The following PRKN variants were observed in gnomAD, a reference collection of about 807,000 sequenced individuals.
PRKN encodes the protein parkin RBR E3 ubiquitin protein ligase, also known as E3 ubiquitin-protein ligase parkin.
In PRKN, 56 loss-of-function variants were observed where a neutral mutation model predicts 59.5. That is an observed-to-expected ratio of 0.94 (90% confidence interval 0.76 to 1.18). The LOEUF (loss-of-function observed/expected upper bound fraction) is 1.18. Ranked by LOEUF, PRKN falls within the 50% of genes most tolerant of loss-of-function variation. The pLI is 0.00. For synonymous variants in PRKN, 250 were observed against 222.1 expected (o/e 1.13, Z -1.12); for missense variants, 657 against 596.4 (o/e 1.10, Z -1.06).
chr6:161,486,274 A>G (rs563491693), intron 9 of PRKN, among the ~76,000 whole-genome samples: 3 of 152,282 alleles, frequency 2.0e-5, no homozygotes, highest in South Asian at 2.1e-4. Context: ...TCATTTTACA[A>G]TTTTGTAATG....
At chr6:161,935,597 T>C (rs1779328570) in intron 6 of PRKN, among the ~76,000 whole-genome samples, 2 of 145,826 alleles carry the variant, frequency 1.4e-5, no homozygotes, top group South Asian at 2.2e-4. Context: ...GGATAAGACG[T>C]GAGTATGAAA....
chr6:161,975,890 A>AAAAATCTGG (rs1187347828), intron 5 of PRKN, among the ~76,000 whole-genome samples: 1 of 152,112 alleles, frequency 6.6e-6, no homozygotes, highest in African/African-American at 2.4e-5. Context: ...TGTGACTCTC[A>AAAAATCTGG]AAAATCTGGA....
intron 4 of PRKN, among the ~76,000 whole-genome samples, chr6:162,181,601 A>C (rs959872296): frequency 6.6e-6 from 1 of 152,196 alleles, no homozygotes; most frequent in African/African-American, 2.4e-5. Context: ...GAACCATAGA[A>C]TCCAACATGG....
At chr6:161,717,518 G>A (rs193182734) in intron 7 of PRKN, among the ~76,000 whole-genome samples, 61 of 152,304 alleles carry the variant, frequency 4.0e-4, no homozygotes, top group Middle Eastern at 3.4e-3. Context: ...GTCTGTCTAC[G>A]AGACTGTGGG....
chr6:161,922,015 A>G (rs999277576), intron 6 of PRKN, among the ~76,000 whole-genome samples: 1 of 152,212 alleles, frequency 6.6e-6, no homozygotes, highest in Admixed American at 6.5e-5. Flanking sequence ...CATTGACTGA[A>G]TTTCTCAAAA....
intron 4 of PRKN, among the ~76,000 whole-genome samples, chr6:162,108,677 G>C (rs549146840): frequency 1.3e-5 from 2 of 152,330 alleles, no homozygotes; most frequent in South Asian, 4.1e-4. Context: ...TAAAGATGCT[G>C]AGTGCAGTGA....
At chr6:162,021,015 A>G (rs1182856722) in intron 5 of PRKN, among the ~76,000 whole-genome samples, 2 of 149,754 alleles carry the variant, frequency 1.3e-5, no homozygotes, top group Non-Finnish European at 3.0e-5. Flanking sequence ...AGGCAGGAGA[A>G]TTGCTTGAAT....
At chr6:161,478,799 T>C (rs1428745978) in intron 9 of PRKN, among the ~76,000 whole-genome samples, 3 of 152,216 alleles carry the variant, frequency 2.0e-5, no homozygotes, top group Non-Finnish European at 2.9e-5. Flanking sequence ...TGAGCTCTGA[T>C]TGTGCCACTG....
Position 161,488,628 on chromosome 6 carries a change from G to A in PRKN, c.1083+60226C>T, listed in dbSNP as rs1177868286. On this transcript the variant is annotated intron_variant, in intron 9 of 11. Coordinates refer to ENST00000366898, the MANE Select transcript of PRKN (RefSeq NM_004562.3). The surrounding 1 kb of genome is among the most constrained non-coding windows in gnomAD (Gnocchi z 4.5). ...AGCCTCCTGAGTAGGTGGGACTAAA[G>A]GCATGCACCACCACACCTGGCTAAT... Among the ~76,000 whole-genome samples, 1 of 152,002 alleles carries A rather than the reference G, an allele frequency of 6.6e-6. No homozygotes were observed. The highest frequency in any genetic ancestry group is 1.5e-5 in the Non-Finnish European group (1 of 68,008).
chr6:161,706,401 C>T (rs1206216955), intron 7 of PRKN, among the ~76,000 whole-genome samples: 1 of 152,174 alleles, frequency 6.6e-6, no homozygotes, highest in Non-Finnish European at 1.5e-5. Flanking sequence ...CCATAACACC[C>T]CGGGTTCACG....
At chr6:161,902,878 G>C (rs1332499613) in intron 6 of PRKN, among the ~76,000 whole-genome samples, 4 of 152,118 alleles carry the variant, frequency 2.6e-5, no homozygotes, top group Non-Finnish European at 4.4e-5. Context: ...TTCTTACATA[G>C]GACAAAAGCA....
intron 7 of PRKN, among the ~76,000 whole-genome samples, chr6:161,610,442 T>A (rs771681315): frequency 2.7e-4 from 40 of 150,830 alleles, no homozygotes; most frequent in Non-Finnish European, 1.3e-4. Context: ...ATTTATTCAA[T>A]AAATATATAT....
At chr6:162,247,348 A>C (rs934870256) in intron 3 of PRKN, among the ~76,000 whole-genome samples, 1 of 152,178 alleles carries the variant, frequency 6.6e-6, no homozygotes, top group African/African-American at 2.4e-5. Flanking sequence ...CCCTAAAGCA[A>C]AGTGTTGTTT....
intron 1 of PRKN, among the ~76,000 whole-genome samples, chr6:162,721,962 C>A (rs1019250946): frequency 6.6e-6 from 1 of 152,156 alleles, no homozygotes; most frequent in African/African-American, 2.4e-5. Context: ...TGAAAAATCA[C>A]GTGTTGCAGG....
chr6:162,414,093 G>C (rs1260358171), intron 2 of PRKN, among the ~76,000 whole-genome samples: 1 of 152,142 alleles, frequency 6.6e-6, no homozygotes, highest in Non-Finnish European at 1.5e-5. Context: ...TGAAGCAGGA[G>C]AATTGCCCGA....
chr6:162,620,239 T>C (rs34063386), intron 1 of PRKN, among the ~76,000 whole-genome samples: 13,253 of 152,200 alleles, frequency 0.087, 734 homozygotes, highest in Middle Eastern at 0.18. Flanking sequence ...AGCTGTCTTG[T>C]TGACTTATCA....
chr6:161,679,585 C>G (rs911246471), intron 7 of PRKN, among the ~76,000 whole-genome samples: 3 of 139,886 alleles, frequency 2.1e-5, no homozygotes, highest in African/African-American at 8.2e-5. Context: ...TTTTTAAACA[C>G]CAACCTAGAC....
chr6:162,184,780 C>A (rs1386383557), intron 4 of PRKN, among the ~76,000 whole-genome samples: 2 of 152,162 alleles, frequency 1.3e-5, no homozygotes, highest in Non-Finnish European at 2.9e-5. Context: ...TTCACACGTG[C>A]TTTAAAGATT....
At chr6:162,208,254 A>G (rs891920857) in intron 3 of PRKN, among the ~76,000 whole-genome samples, 1 of 152,206 alleles carries the variant, frequency 6.6e-6, no homozygotes, top group Non-Finnish European at 1.5e-5. Context: ...ACGAGCCATA[A>G]ACTTAACTCC....
Sources: gnomAD v4.1 joint callset for allele counts (sites outside exome capture counted in the v4.1 genomes callset) on GRCh38, gnomAD v4.1.1 for gene constraint, Gnocchi (gnomAD v3.1) non-coding constraint, MANE v1.5 for transcripts, NCBI Gene and HGNC (gene_info 2026-07-23, HGNC 2026-07-21) for gene names.